The following ERC1 variants were observed in gnomAD, a reference collection of about 807,000 sequenced individuals.
ERC1 encodes the protein RAB6 interacting protein 2.
A neutral mutation model predicts 132.0 loss-of-function variants in ERC1; 56 were observed. The observed-to-expected ratio is 0.42, with a 90% confidence interval of 0.34 to 0.53. The LOEUF is 0.53. ERC1 is among the 20% of genes least tolerant of loss of function. The pLI, the probability that ERC1 is intolerant of heterozygous loss-of-function variation, is 0.03. For missense variants in ERC1, 1,202 were observed against 1,349.9 expected (o/e 0.89, Z 1.72); for synonymous variants, 478 against 476.1 (o/e 1.00, Z -0.05).
chr12:1,006,750 T>C (rs940682016), intron 1 of ERC1, among the ~76,000 whole-genome samples: 6 of 152,160 alleles, frequency 3.9e-5, no homozygotes, highest in Middle Eastern at 3.4e-3. Context: ...CTTGAACTCT[T>C]TGGCCTCAAG....
At chr12:1,170,409 G>A (rs1952931745) in intron 8 of ERC1, among the ~76,000 whole-genome samples, 1 of 152,102 alleles carries the variant, frequency 6.6e-6, no homozygotes, top group Non-Finnish European at 1.5e-5. Flanking sequence ...TCACTAAAAT[G>A]TAGTGAACTG....
chr12:1,317,335 A>G (rs937825797), intron 15 of ERC1, among the ~76,000 whole-genome samples: 2 of 152,148 alleles, frequency 1.3e-5, no homozygotes, highest in African/African-American at 4.8e-5. Context: ...GTTCTCACTC[A>G]TAAGTGGGAG....
At chr12:1,125,533 C>T (rs184742941) in intron 7 of ERC1, among the ~76,000 whole-genome samples, 3 of 152,080 alleles carry the variant, frequency 2.0e-5, no homozygotes, top group Non-Finnish European at 2.9e-5. Flanking sequence ...ACCAAGCAGT[C>T]GGCCGGGCAC....
At chr12:1,016,236 T>C (rs1965480560) in intron 1 of ERC1, among the ~76,000 whole-genome samples, 1 of 152,242 alleles carries the variant, frequency 6.6e-6, no homozygotes, top group African/African-American at 2.4e-5. Flanking sequence ...GGTGGTATAT[T>C]ACATTTTCTG....
chr12:1,189,562 G>T (rs567671700), intron 11 of ERC1, among the ~76,000 whole-genome samples: 4 of 152,184 alleles, frequency 2.6e-5, no homozygotes, highest in Admixed American at 1.3e-4. Flanking sequence ...ATGACTGTTA[G>T]TTTGTCTCAC....
At chr12:1,338,757 T>C (rs1242914203) in intron 15 of ERC1, among the ~76,000 whole-genome samples, 1 of 152,202 alleles carries the variant, frequency 6.6e-6, no homozygotes, top group Non-Finnish European at 1.5e-5. Flanking sequence ...CTTCAGTGTT[T>C]GATTGTGGTA....
chr12:1,146,144 G>A (rs531397961), intron 8 of ERC1, among the ~76,000 whole-genome samples: 3 of 151,972 alleles, frequency 2.0e-5, no homozygotes, highest in African/African-American at 4.8e-5. Context: ...TTCATTGAGT[G>A]TGTAGATTGC....
intron 18 of ERC1, among the ~76,000 whole-genome samples, chr12:1,469,487 G>A (rs990712567): frequency 2.0e-5 from 3 of 152,248 alleles, no homozygotes; most frequent in African/African-American, 7.2e-5. Flanking sequence ...AAAGAAGAAG[G>A]ACCTGGCGGT....
intron 2 of ERC1, among the ~76,000 whole-genome samples, chr12:1,035,189 T>TC (rs1968829998): frequency 1.3e-5 from 2 of 152,182 alleles, no homozygotes; most frequent in Admixed American, 1.3e-4. Context: ...TCCATAGCCC[T>TC]CAGAGGTCAG....
At chr12:1,155,428 A>G (rs1301715625) in intron 8 of ERC1, among the ~76,000 whole-genome samples, 6 of 152,156 alleles carry the variant, frequency 3.9e-5, no homozygotes, top group Non-Finnish European at 7.4e-5. Context: ...TATGATATGG[A>G]ATCAACCTAA....
At chr12:1,082,642 C>CA (rs765970653) in intron 2 of ERC1, among the ~76,000 whole-genome samples, 3 of 151,822 alleles carry the variant, frequency 2.0e-5, no homozygotes, top group Admixed American at 6.6e-5. Flanking sequence ...AGGCACACGC[C>CA]ACCACGCCCG....
intron 8 of ERC1, among the ~76,000 whole-genome samples, chr12:1,178,548 G>A (rs1292938655): frequency 6.6e-6 from 1 of 152,070 alleles, no homozygotes; most frequent in African/African-American, 2.4e-5. Flanking sequence ...ATGGAGGAGT[G>A]TGTATTTATA....
At chr12:1,081,762 T>C (rs998870096) in intron 2 of ERC1, among the ~76,000 whole-genome samples, 1 of 152,174 alleles carries the variant, frequency 6.6e-6, no homozygotes, top group Admixed American at 6.6e-5. Flanking sequence ...GAATAAACTC[T>C]ACAGATTTGA....
intron 15 of ERC1, among the ~76,000 whole-genome samples, chr12:1,350,448 C>T (rs1453989032): frequency 2.0e-5 from 3 of 152,192 alleles, no homozygotes; most frequent in African/African-American, 7.2e-5. Flanking sequence ...CTCCATGAAT[C>T]ACTTTACAGG....
chr12:1,172,974 A>AT (rs1953245778), intron 8 of ERC1, among the ~76,000 whole-genome samples: 1 of 152,162 alleles, frequency 6.6e-6, no homozygotes, highest in African/African-American at 2.4e-5. Context: ...GTGTATGGTG[A>AT]TTAGATGTAT....
At chr12:1,458,287 G>A (rs544898764) in intron 18 of ERC1, among the ~76,000 whole-genome samples, 1 of 152,234 alleles carries the variant, frequency 6.6e-6, no homozygotes, top group Non-Finnish European at 1.5e-5. Context: ...TACATACCAG[G>A]AGATCAAGCA....
chr12:1,455,794 T>C (rs2093520797), intron 18 of ERC1, among the ~76,000 whole-genome samples: 1 of 152,214 alleles, frequency 6.6e-6, no homozygotes, highest in Non-Finnish European at 1.5e-5. Flanking sequence ...TTCATAGAAC[T>C]CAAGGATTTG....
chr12:1,034,610 C>A (rs1390861705), intron 2 of ERC1, among the ~76,000 whole-genome samples: 2 of 151,978 alleles, frequency 1.3e-5, no homozygotes, highest in African/African-American at 4.8e-5. Context: ...CACCATTATA[C>A]CTGGAATTAG....
intron 2 of ERC1, among the ~76,000 whole-genome samples, chr12:1,036,931 A>G (rs1429616151): frequency 1.3e-5 from 2 of 152,212 alleles, no homozygotes; most frequent in African/African-American, 4.8e-5. Context: ...TGTAAAATGG[A>G]TAATGTTCCT....
Sources: gnomAD v4.1 joint callset for allele counts (sites outside exome capture counted in the v4.1 genomes callset) on GRCh38, gnomAD v4.1.1 for gene constraint, MANE v1.5 for transcripts, NCBI Gene and HGNC (gene_info 2026-07-23, HGNC 2026-07-21) for gene names.